TRIM6: variants seen among roughly 807,000 people sequenced by gnomAD.
TRIM6 encodes the protein tripartite motif-containing protein 6.
Under a neutral mutation model 51.2 loss-of-function variants are expected in TRIM6, and 43 were observed. The observed-to-expected ratio is 0.84, with a 90% CI of 0.66 to 1.08. The LOEUF is 1.08. TRIM6 is among the 50% of genes least tolerant of loss of function. The pLI, the probability that TRIM6 is intolerant of heterozygous loss-of-function variation, is 0.00. For synonymous variants in TRIM6, 215 were observed against 232.4 expected (o/e 0.93, Z 0.68); for missense variants, 669 against 619.0 (o/e 1.08, Z -0.86).
At chr11:5,609,414 T>G (rs188122840) in intron 5 of TRIM6, among the ~76,000 whole-genome samples, 58 of 152,258 alleles carry the variant, frequency 3.8e-4, no homozygotes, top group African/African-American at 8.7e-4. Flanking sequence ...ATTTGATACT[T>G]TCAAAGCCCC....
intron 4 of TRIM6, 83 bp downstream of exon 4, chr11:5,605,650 C>G: frequency 6.8e-7 from 1 of 1,464,450 alleles, no homozygotes; most frequent in Non-Finnish European, 9.0e-7. Context: ...ATCAGACTAC[C>G]ATCGTTGCAG....
intron 4 of TRIM6, among the ~76,000 whole-genome samples, chr11:5,607,064 C>T (rs7105329): frequency 0.99 from 147,731 of 148,498 alleles, 73,483 homozygotes; most frequent in Middle Eastern, 1. Flanking sequence ...ATTAGCCGGG[C>T]GTGGTGGCGG....
intron 1 of TRIM6, among the ~76,000 whole-genome samples, chr11:5,598,399 G>A (rs545512273): frequency 5.3e-5 from 8 of 152,176 alleles, no homozygotes; most frequent in African/African-American, 1.7e-4. Context: ...TGTCTAAAGA[G>A]AGTATTAGAT....
At chr11:5,610,271 T>G (rs1427245864) in intron 6 of TRIM6, 26 bp downstream of exon 6, 2 of 1,613,712 alleles carry the variant, frequency 1.2e-6, no homozygotes, top group Admixed American at 3.3e-5. Context: ...GGAAAGAGTT[T>G]GGATGTGAAA....
intron 1 of TRIM6, among the ~76,000 whole-genome samples, chr11:5,599,092 C>T (rs966279294): frequency 1.3e-5 from 2 of 152,122 alleles, no homozygotes; most frequent in African/African-American, 2.4e-5. Flanking sequence ...GGTTCTTTCA[C>T]TTTGCATGCT....
rs780681052 is a variant in TRIM6 at position 5,611,111 on chromosome 11, T to C, written c.1320T>C (p.Tyr440=). ...WVIGLQHNHE[Y]RAYEDSSPSL... is the part of the protein sequence containing the mutation. ...TTGGGTTACAGCATAACCATGAATA[T>C]AGGGCCTATGAGGATTCTTCCCCTT... Residue 440 remains tyrosine (Y), a synonymous_variant, in exon 8 of 8, where the codon TAT becomes TAC. Transcript: ENST00000380097. The C allele has an allele frequency of 6.2e-7, 1 of 1,614,154 alleles. No individual in the cohort carries two copies. Among genetic ancestry groups the C allele is most frequent in the Non-Finnish European group, 8.5e-7 (1 of 1,180,010 alleles).
In TRIM6 at chr11:5,604,570, G is replaced by A. The variant is rs57856328; in HGVS notation, c.544G>A (p.Glu182Lys). The change falls in exon 3 of 8, where the codon GAG becomes AAG. Residue 182 changes from glutamate (E) to lysine (K), a missense_variant. Glu to Lys is a moderately conservative substitution (Grantham distance 56). Transcript: ENST00000380097. ...GGAGTCTCTAAAGAAGCTGAAGAAC[G>A]AGGAGCAGGAAGCTGAGAAGCTAAC... ...FQESLKKLKN[E>K]EQEAEKLTAF... is the part of the protein sequence containing the mutation. 8.0e-3 allele frequency: 12,841 copies of A among 1,613,180 alleles called. 860 individuals carry two copies. The African/African-American group carries it at 0.15, about 19-fold the overall frequency.
chr11:5,603,184 G>A (rs752620922), intron 1 of TRIM6, 62 bp from the exon 2 acceptor site: 81 of 1,563,476 alleles, frequency 5.2e-5, no homozygotes, highest in Non-Finnish European at 6.1e-5. Flanking sequence ...TGGGCAGTCA[G>A]TATTCCCTTA....
intron 1 of TRIM6, among the ~76,000 whole-genome samples, chr11:5,601,215 A>C (rs1293827716): frequency 2.0e-5 from 3 of 152,198 alleles, no homozygotes; most frequent in African/African-American, 7.2e-5. Flanking sequence ...CACAGCCTTT[A>C]CCACTGACTG....
chr11:5,604,513 A>G, intron 2 of TRIM6, 21 bp from the exon 3 acceptor site: 13 of 1,605,864 alleles, frequency 8.1e-6, no homozygotes, highest in Non-Finnish European at 1.1e-5. Context: ...ATCCTGCTTG[A>G]CCTGATTTGT....
chr11:5,598,040 T>A (rs889157430), intron 1 of TRIM6, among the ~76,000 whole-genome samples: 2 of 152,230 alleles, frequency 1.3e-5, no homozygotes, highest in Non-Finnish European at 2.9e-5. Context: ...TGGTTCTGAT[T>A]TAATTGGTCC....
In TRIM6 at chr11:5,611,479, A is replaced by C; in HGVS notation, c.*137A>C. The C allele has an allele frequency of 1.3e-6, 1 of 798,560 alleles. No individual in the cohort carries two copies. The highest frequency in any genetic ancestry group is 1.7e-5 in the African/African-American group (1 of 57,936). 49.5% of individuals were successfully genotyped at this position (798,560 alleles called of 1,614,324 possible). On this transcript the variant is annotated 3_prime_UTR_variant, in exon 8 of 8. Coordinates refer to ENST00000380097, the MANE Select transcript of TRIM6 (RefSeq NM_001003818.3). ...GGTTTTTGAATCTTTTTTGAGATGG[A>C]ATCTCGCTCTGTCGCCCAGGCTGGA...
In TRIM6 at chr11:5,610,919, G is replaced by A. The variant is rs776238845; in HGVS notation, c.1128G>A (p.Gln376=). The A allele has an allele frequency of 1.9e-6, 3 of 1,614,054 alleles. No individual in the cohort carries two copies. Among genetic ancestry groups the A allele is most frequent in the Admixed American group, 3.3e-5 (2 of 60,004 alleles). Reference sequence around the variant, plus strand: ...ATGACTGTAGTGTCCTGGGCTCCCAGCACTTCTCCTCTGGTAAGCATTACT... The same window carrying A: ...ATGACTGTAGTGTCCTGGGCTCCCAACACTTCTCCTCTGGTAAGCATTACT... ...KHYDCSVLGS[Q]HFSSGKHYWE... The change falls in exon 8 of 8, where the codon CAG becomes CAA. Residue 376 remains glutamine (Q), a synonymous_variant. Transcript: ENST00000380097.
At position 5,612,516 on chromosome 11, in the gene TRIM6, AC is replaced by A. The variant is rs1410695350; in HGVS notation, c.*1175del. 2.0e-5 allele frequency: 3 copies of A among 152,252 alleles called. No individual in the cohort carries two copies. Among genetic ancestry groups the A allele is most frequent in the Non-Finnish European group, 4.4e-5 (3 of 68,032 alleles). The allele number at this position is 152,252 out of a possible 1,614,324, so 9.4% of individuals were successfully genotyped here. A position where few individuals can be genotyped will look rare whatever the true frequency, so the allele number is the denominator to read the frequency against. ...ATTTTTCTCTCAGAATAGAAAGAAA[AC>A]ACAAAGAGAAAATATGAACAATATA... On this transcript the variant is annotated 3_prime_UTR_variant, in exon 8 of 8. Transcript: ENST00000380097.
intron 3 of TRIM6, 119 bp downstream of exon 3, chr11:5,604,748 C>T (rs148459569): frequency 2.2e-5 from 23 of 1,065,748 alleles, no homozygotes; most frequent in South Asian, 3.8e-5. Context: ...AAGAGCTTCC[C>T]TTTGCCTGGT....
At chr11:5,605,238 G>A (rs1054239762) in intron 3 of TRIM6, 99 bp from the exon 4 acceptor site, 5 of 1,530,332 alleles carry the variant, frequency 3.3e-6, no homozygotes, top group Non-Finnish European at 4.5e-6. Context: ...GGGAGGCTTG[G>A]CCCAGGAAAG....
chr11:5,605,201 C>A, intron 3 of TRIM6, 136 bp from the exon 4 acceptor site: 1 of 1,164,954 alleles, frequency 8.6e-7, no homozygotes, highest in Non-Finnish European at 1.3e-6. Flanking sequence ...AAGGCTTTCT[C>A]CTGCAGCATT....
Position 5,605,338 on chromosome 11 carries a change from A to G in TRIM6, c.605A>G (p.Asn202Ser). 1 of 1,614,084 alleles carries G rather than the reference A, an allele frequency of 6.2e-7. No individual in the cohort carries two copies. The highest frequency in any genetic ancestry group is 8.5e-7 in the Non-Finnish European group (1 of 1,180,016). ...FIREKKTSWK[N>S]QMEPERCRIQ... Reference sequence around the variant, plus strand: ...TCTTTTTCTTCCCTGTTCCTGAAGAATCAGATGGAGCCTGAGAGATGCAGG... The same window carrying G: ...TCTTTTTCTTCCCTGTTCCTGAAGAGTCAGATGGAGCCTGAGAGATGCAGG... The change falls in exon 4 of 8, where the codon AAT (asparagine) becomes AGT (serine). Residue 202 changes from asparagine to serine, a missense_variant and splice_region_variant. Transcript: ENST00000380097.
rs1299668025 is a variant in TRIM6 at position 5,603,725 on chromosome 11, A to G, written c.497A>G (p.Gln166Arg). Residue 166 changes from glutamine (Q) to arginine (R), a missense_variant, in exon 2 of 8, where the codon CAG (glutamine) becomes CGG (arginine). Coordinates refer to ENST00000380097, the MANE Select transcript of TRIM6 (RefSeq NM_001003818.3). ...HHTFLVEEVA[Q>R]EYQEKFQESL... ...ACGTTCCTCGTGGAGGAGGTTGCCC[A>G]GGAGTACCAGGTGAGACCCCAGGAT... 3 of 1,613,464 alleles carry G rather than the reference A, an allele frequency of 1.9e-6. No individual in the cohort carries two copies. Among genetic ancestry groups the G allele is most frequent in the African/African-American group, 1.3e-5 (1 of 74,798 alleles).
Sources: gnomAD v4.1 joint callset for allele counts (sites outside exome capture counted in the v4.1 genomes callset) on GRCh38, gnomAD v4.1.1 for gene constraint, MANE v1.5 for transcripts, NCBI Gene and HGNC (gene_info 2026-07-23, HGNC 2026-07-21) for gene names.